The following RBFOX1 variants were observed in gnomAD, a reference collection of about 807,000 sequenced individuals.
RBFOX1 encodes the protein RNA binding protein fox-1 homolog 1.
A neutral mutation model predicts 57.7 loss-of-function variants in RBFOX1; 8 were observed. The observed-to-expected ratio is 0.14, with a 90% CI of 0.08 to 0.25. The LOEUF (loss-of-function observed/expected upper bound fraction) is 0.25. Among genes scored for constraint, RBFOX1 ranks in the 10% least tolerant of loss-of-function variants. The probability of loss-of-function intolerance (pLI) is 1.00; values close to 1 mark genes in which losing one functional copy is unlikely to be tolerated. For missense variants in RBFOX1, 611 were observed against 548.5 expected (o/e 1.11, Z -1.14); for synonymous variants, 326 against 222.4 (o/e 1.47, Z -4.15).
intron 1 of RBFOX1, among the ~76,000 whole-genome samples, chr16:6,264,549 C>G (rs1168734491): frequency 6.6e-6 from 1 of 152,192 alleles, no homozygotes; most frequent in East Asian, 1.9e-4. Context: ...GCTCACATCA[C>G]TACAGCCACA....
chr16:7,383,610 A>C (rs2097823278), intron 4 of RBFOX1, among the ~76,000 whole-genome samples: 1 of 152,166 alleles, frequency 6.6e-6, no homozygotes, highest in Non-Finnish European at 1.5e-5. Context: ...AAACCATTTC[A>C]TATTTGAGAG....
At chr16:7,243,602 C>T (rs183136809) in intron 4 of RBFOX1, among the ~76,000 whole-genome samples, 32 of 152,236 alleles carry the variant, frequency 2.1e-4, no homozygotes, top group African/African-American at 7.2e-4. Context: ...GGCTGTAATG[C>T]AGTGGCATGA....
intron 4 of RBFOX1, among the ~76,000 whole-genome samples, chr16:7,486,117 C>CTTTTTTTTTTTTT (rs61448458): frequency 1.3e-5 from 1 of 77,302 alleles, no homozygotes; most frequent in Non-Finnish European, 2.3e-5. Flanking sequence ...GTGTTTGTGT[C>CTTTTTTTTTTTTT]TTTTTTTTTT....
intron 4 of RBFOX1, among the ~76,000 whole-genome samples, chr16:7,137,673 A>G (rs1408347164): frequency 6.6e-6 from 1 of 152,208 alleles, no homozygotes; most frequent in East Asian, 1.9e-4. Context: ...ATTAGGGGCA[A>G]GCTCCTTGGT....
chr16:6,616,019 A>C (rs963151264), intron 2 of RBFOX1, among the ~76,000 whole-genome samples: 2 of 152,122 alleles, frequency 1.3e-5, no homozygotes, highest in Non-Finnish European at 2.9e-5. Context: ...AGACGCAGGG[A>C]CACTGCCCAG....
In RBFOX1 at chr16:6,514,555, T is replaced by A. The variant is rs746255459; in HGVS notation, c.-63-140048T>A. Reference sequence around the variant, plus strand: ...ATGTTTGTAAATGTGCTCTAGCAGTTGAAAGTGTAGGCACGTATGTGGGGG... The same window carrying A: ...ATGTTTGTAAATGTGCTCTAGCAGTAGAAAGTGTAGGCACGTATGTGGGGG... On this transcript the variant is annotated intron_variant, in intron 2 of 15. Coordinates refer to ENST00000550418, the MANE Select transcript of RBFOX1 (RefSeq NM_018723.4). Among the ~76,000 whole-genome samples, 6 of 152,298 alleles carry A rather than the reference T, an allele frequency of 3.9e-5. No homozygotes were observed. The South Asian group carries it at 1.0e-3, about 26-fold the overall frequency.
chr16:5,332,257 CTTTATTTTAT>C (rs146069773), intron 1 of RBFOX1, among the ~76,000 whole-genome samples: 10 of 151,698 alleles, frequency 6.6e-5, no homozygotes, highest in African/African-American at 1.9e-4. Flanking sequence ...TCAAAGGAAA[CTTTATTTTAT>C]TTTATTTTAT....
Position 6,030,628 on chromosome 16 carries a change from G to A in RBFOX1, c.-127+10636G>A, listed in dbSNP as rs183569035. Among the ~76,000 whole-genome samples the A allele has an allele frequency of 2.0e-5, 3 of 152,234 alleles. No individual in the cohort carries two copies. The East Asian group carries it at 5.8e-4, about 29-fold the overall frequency. ...ATATAAGGTAGGTGAACATTGAAAG[G>A]TATACATAAATTACAGCCCTTTAAA... On this transcript the variant is annotated intron_variant, in intron 1 of 15. Coordinates refer to ENST00000550418, the MANE Select transcript of RBFOX1 (RefSeq NM_018723.4).
At chr16:5,615,473 C>G (rs748566505) in intron 3 of RBFOX1, among the ~76,000 whole-genome samples, 2 of 152,312 alleles carry the variant, frequency 1.3e-5, no homozygotes, top group East Asian at 3.9e-4. Context: ...TGAACAGGCA[C>G]CTTATTAGCC....
chr16:7,223,440 T>C (rs1176653381), intron 4 of RBFOX1, among the ~76,000 whole-genome samples: 2 of 152,210 alleles, frequency 1.3e-5, no homozygotes, highest in Non-Finnish European at 2.9e-5. Context: ...GTATATTCCA[T>C]TGAATCATGA....
chr16:6,942,926 C>T (rs923364141), intron 3 of RBFOX1, among the ~76,000 whole-genome samples: 1 of 152,126 alleles, frequency 6.6e-6, no homozygotes, highest in Non-Finnish European at 1.5e-5. Context: ...CGACAGGGCT[C>T]GCATTGGAGA....
At chr16:6,414,131 C>A (rs1020811009) in intron 2 of RBFOX1, among the ~76,000 whole-genome samples, 1 of 152,100 alleles carries the variant, frequency 6.6e-6, no homozygotes, top group Non-Finnish European at 1.5e-5. Flanking sequence ...CCAGCACAGG[C>A]CCTTGGACAA....
At chr16:6,924,597 C>A (rs2075176467) in intron 3 of RBFOX1, among the ~76,000 whole-genome samples, 1 of 152,090 alleles carries the variant, frequency 6.6e-6, no homozygotes, top group Non-Finnish European at 1.5e-5. Context: ...GCCTCCATTT[C>A]TTCACCTGCA....
intron 4 of RBFOX1, among the ~76,000 whole-genome samples, chr16:7,106,984 A>ACACACAC (rs1567282011): frequency 2.0e-5 from 3 of 148,514 alleles, no homozygotes; most frequent in South Asian, 2.2e-4. Flanking sequence ...ACACAGTTAA[A>ACACACAC]ACACACACAC....
chr16:6,885,823 A>C (rs1329838080), intron 3 of RBFOX1, among the ~76,000 whole-genome samples: 1 of 152,236 alleles, frequency 6.6e-6, no homozygotes, highest in East Asian at 1.9e-4. Flanking sequence ...GAATCACTGC[A>C]CCCGGCCTTA....
At chr16:7,370,331 G>A (rs1487097528) in intron 4 of RBFOX1, among the ~76,000 whole-genome samples, 1 of 152,184 alleles carries the variant, frequency 6.6e-6, no homozygotes, top group East Asian at 1.9e-4. Context: ...TGGTCTTTCA[G>A]TGATGGGTAA....
At chr16:7,388,952 C>G (rs2097937394) in intron 4 of RBFOX1, among the ~76,000 whole-genome samples, 1 of 152,064 alleles carries the variant, frequency 6.6e-6, no homozygotes, top group East Asian at 1.9e-4. Context: ...AGCATGTACG[C>G]AGAGCTTAAT....
rs114263872 is a variant in RBFOX1 at position 6,742,615 on chromosome 16, C to T, written c.-16+87965C>T. ...TACAGTAGGTGAATGGTTAAAGAAACTGTGAGATACCCGTACTGTGAACTA... is the reference window on the plus strand; with the variant it reads ...TACAGTAGGTGAATGGTTAAAGAAATTGTGAGATACCCGTACTGTGAACTA... On this transcript the variant is annotated intron_variant, in intron 3 of 15. Coordinates refer to ENST00000550418, the MANE Select transcript of RBFOX1 (RefSeq NM_018723.4). Among the ~76,000 whole-genome samples the T allele has an allele frequency of 1.0e-2, 1,516 of 152,260 alleles. 11 individuals carry two copies. Among genetic ancestry groups the T allele is most frequent in the African/African-American group, 0.027 (1,142 of 41,554 alleles).
At chr16:5,968,124 G>T (rs1238645479) in intron 4 of RBFOX1, among the ~76,000 whole-genome samples, 1 of 152,104 alleles carries the variant, frequency 6.6e-6, no homozygotes, top group Non-Finnish European at 1.5e-5. Flanking sequence ...ACCCAGGCTG[G>T]AGTGCAGCGG....
Sources: allele counts gnomAD v4.1 joint callset (sites outside exome capture counted in the v4.1 genomes callset), GRCh38; gene constraint gnomAD v4.1.1; transcripts MANE v1.5; gene names NCBI Gene and HGNC (gene_info 2026-07-23, HGNC 2026-07-21).